Variants in GIGYF2 observed in about 807,000 individuals in gnomAD.
The protein encoded by GIGYF2 is GRB10-interacting GYF protein 2.
In GIGYF2, 25 loss-of-function variants were observed where a neutral mutation model predicts 208.1. The ratio of observed to expected loss-of-function variants is 0.12; its 90% confidence interval spans 0.09 to 0.17. GIGYF2 has a LOEUF of 0.17. Ranked by LOEUF, GIGYF2 falls within the 10% of genes least tolerant of loss-of-function variation. The pLI, the probability that GIGYF2 is intolerant of heterozygous loss-of-function variation, is 1.00. For synonymous variants in GIGYF2, 534 were observed against 543.8 expected (o/e 0.98, Z 0.25); for missense variants, 1,302 against 1,579.4 (o/e 0.82, Z 2.98).
At position 232,844,102 on chromosome 2, in the gene GIGYF2, A is replaced by ACAG. The variant is rs1393177973; in HGVS notation, c.2950_2952dup (p.Gln984dup). ...CTCTTCAGCAGCAGCAGCAACAGCA[A>ACAG]CAGCAGAAACTCTCAGGTTGGGGGA... On this transcript the variant is annotated inframe_insertion, in exon 24 of 29. Transcript: ENST00000373563. The ACAG allele has an allele frequency of 1.2e-6, 2 of 1,604,202 alleles. No individual in the cohort carries two copies. The highest frequency in any genetic ancestry group is 1.7e-5 in the Admixed American group (1 of 58,904).
chr2:232,837,254 G>A (rs1326543522), intron 22 of GIGYF2, among the ~76,000 whole-genome samples: 1 of 152,186 alleles, frequency 6.6e-6, no homozygotes, highest in African/African-American at 2.4e-5. Flanking sequence ...CCTGCTGACT[G>A]ATGGCTGAGG....
At chr2:232,818,809 T>G (rs1265187954) in intron 20 of GIGYF2, among the ~76,000 whole-genome samples, 5 of 152,168 alleles carry the variant, frequency 3.3e-5, no homozygotes, top group Non-Finnish European at 7.3e-5. Context: ...AATTTCATTT[T>G]ATAAGTAAAT....
At chr2:232,734,265 C>T (rs1221476122) in intron 2 of GIGYF2, among the ~76,000 whole-genome samples, 3 of 152,084 alleles carry the variant, frequency 2.0e-5, no homozygotes, top group African/African-American at 7.2e-5. Flanking sequence ...CTCACTCCAT[C>T]GTCTAGGCTG....
intron 8 of GIGYF2, among the ~76,000 whole-genome samples, chr2:232,774,599 T>C (rs1446308): frequency 0.33 from 50,529 of 152,022 alleles, 8,716 homozygotes; most frequent in South Asian, 0.62. Flanking sequence ...GGAAGAAGGA[T>C]ATAACAATGA....
intron 2 of GIGYF2, among the ~76,000 whole-genome samples, chr2:232,716,193 A>G (rs147437254): frequency 6.6e-6 from 1 of 151,874 alleles, no homozygotes; most frequent in Non-Finnish European, 1.5e-5. Context: ...GGTCCCCCTC[A>G]TGTTTGGACT....
chr2:232,726,642 A>G (rs1351942211), intron 2 of GIGYF2, among the ~76,000 whole-genome samples: 2 of 152,136 alleles, frequency 1.3e-5, no homozygotes, highest in Non-Finnish European at 2.9e-5. Context: ...AATAGGTCCT[A>G]TAGCTTTTGA....
intron 28 of GIGYF2, among the ~76,000 whole-genome samples, chr2:232,855,500 A>G (rs1690530448): frequency 6.6e-6 from 1 of 152,198 alleles, no homozygotes; most frequent in South Asian, 2.1e-4. Context: ...CTTTGCAGAT[A>G]TATTTACAGT....
intron 5 of GIGYF2, among the ~76,000 whole-genome samples, chr2:232,752,133 A>G (rs1377825476): frequency 2.6e-5 from 4 of 152,210 alleles, no homozygotes; most frequent in South Asian, 4.1e-4. Flanking sequence ...TTCCTGATGC[A>G]TATTTGGTAG....
intron 2 of GIGYF2, among the ~76,000 whole-genome samples, chr2:232,714,412 G>A (rs1364431272): frequency 6.6e-6 from 1 of 152,052 alleles, no homozygotes; most frequent in African/African-American, 2.4e-5. Flanking sequence ...TTTAAAGAAG[G>A]TAATTTAACA....
At position 232,857,088 on chromosome 2, in the gene GIGYF2, G is replaced by A; in HGVS notation, c.*228G>A. ...AGTGGACTGGACCCTGTGTCTTGGG[G>A]GTGGCAGTTGGGATTACTCCCCAAC... is the stretch of plus-strand genomic sequence containing the variant. On this transcript the variant is annotated 3_prime_UTR_variant, in exon 29 of 29. Transcript: ENST00000373563. 1 of 580,590 alleles carries A rather than the reference G, an allele frequency of 1.7e-6. No homozygotes were observed. The highest frequency in any genetic ancestry group is 3.1e-6 in the Non-Finnish European group (1 of 323,748). 36.0% of individuals were successfully genotyped at this position (580,590 alleles called of 1,614,324 possible). A position where few individuals can be genotyped will look rare whatever the true frequency, so the allele number is the denominator to read the frequency against.
intron 8 of GIGYF2, chr2:232,768,078 G>A (rs1190281905): frequency 1.5e-5 from 15 of 1,017,712 alleles, no homozygotes; most frequent in Middle Eastern, 6.2e-4. Context: ...CATGATTACC[G>A]TGATGTAGAG....
chr2:232,764,986 A>G (rs376546635), intron 8 of GIGYF2, among the ~76,000 whole-genome samples: 4 of 152,352 alleles, frequency 2.6e-5, no homozygotes, highest in African/African-American at 9.6e-5. Flanking sequence ...CTAAACTAAC[A>G]TGAAGTATCT....
chr2:232,813,292 C>A lies in GIGYF2; in HGVS notation c.2107+801C>A, dbSNP rs147518370. Among the ~76,000 whole-genome samples, 339 of 150,694 alleles carry A rather than the reference C, an allele frequency of 2.2e-3. 1 individual carries two copies. The highest frequency in any genetic ancestry group is 8.0e-3 in the African/African-American group (328 of 40,976). On this transcript the variant is annotated intron_variant, in intron 18 of 28. Transcript: ENST00000373563. Reference sequence around the variant, plus strand: ...GCAACCTCTGCTTCCCAGGTTCAAGCGATTCTTCTGCCTCAGCCTCCTAAG... The same window carrying A: ...GCAACCTCTGCTTCCCAGGTTCAAGAGATTCTTCTGCCTCAGCCTCCTAAG...
intron 3 of GIGYF2, chr2:232,736,600 C>G (rs569341090): frequency 2.0e-5 from 3 of 152,258 alleles, no homozygotes; most frequent in African/African-American, 7.2e-5. Context: ...CTAGATGTGA[C>G]ATATAGAAGC....
At chr2:232,760,708 C>G in intron 7 of GIGYF2, 117 bp downstream of exon 7, 2 of 701,744 alleles carry the variant, frequency 2.9e-6, no homozygotes, top group Non-Finnish European at 5.2e-6. Flanking sequence ...AAAAAATGCT[C>G]TTAAGTATTG....
chr2:232,830,682 C>G (rs1701401718), intron 21 of GIGYF2, among the ~76,000 whole-genome samples: 1 of 151,902 alleles, frequency 6.6e-6, no homozygotes, highest in African/African-American at 2.4e-5. Context: ...TCCAGGATTC[C>G]ATTCAGAATA....
chr2:232,769,390 G>T, intron 8 of GIGYF2, among the ~76,000 whole-genome samples: 1 of 151,562 alleles, frequency 6.6e-6, no homozygotes, highest in African/African-American at 2.4e-5. Flanking sequence ...AATTAGCTGG[G>T]TCTGGTGGCA....
chr2:232,844,507 G>A lies in GIGYF2; in HGVS notation c.3238G>A (p.Asp1080Asn), dbSNP rs1292881041. ...DTKNSNMGFW[D>N]DAVKEVGPRN... ...TAAAAACTCCAACATGGGATTCTGG[G>A]ATGATGCAGTGAAAGAGGTGGGACC... is the stretch of plus-strand genomic sequence containing the variant. The change falls in exon 25 of 29, where the codon GAT (aspartate) becomes AAT (asparagine). Residue 1080 changes from aspartate to asparagine, a missense_variant. Around this residue, in one of 8 missense-constraint regions of GIGYF2, gnomAD observed 701 missense variants for 793.0 expected, o/e 0.88. Coordinates refer to ENST00000373563, the MANE Select transcript of GIGYF2 (RefSeq NM_001103146.3). 6.2e-7 allele frequency: 1 copy of A among 1,613,692 alleles called. No homozygotes were observed. Among genetic ancestry groups the A allele is most frequent in the Non-Finnish European group, 8.5e-7 (1 of 1,179,716 alleles).
At chr2:232,807,140 T>C (rs892998282) in intron 15 of GIGYF2, among the ~76,000 whole-genome samples, 6 of 152,190 alleles carry the variant, frequency 3.9e-5, no homozygotes, top group Non-Finnish European at 7.3e-5. Context: ...AGTTTCTAAA[T>C]TTGAGGTTTG....
Sources: allele counts gnomAD v4.1 joint callset (sites outside exome capture counted in the v4.1 genomes callset), GRCh38; gene constraint gnomAD v4.1.1; regional missense constraint gnomAD v4.1.1; transcripts MANE v1.5; gene names NCBI Gene and HGNC (gene_info 2026-07-23, HGNC 2026-07-21).